CFTR: variants seen among roughly 807,000 people sequenced by gnomAD.
CFTR encodes the protein cystic fibrosis transmembrane conductance regulator.
A neutral mutation model predicts 171.6 loss-of-function variants in CFTR; 181 were observed. The ratio of observed to expected loss-of-function variants is 1.05; its 90% CI spans 0.93 to 1.19. The LOEUF is 1.19. Ranked by LOEUF, CFTR falls within the 50% of genes most tolerant of loss-of-function variation. CFTR has a pLI of 0.00. For synonymous variants in CFTR, 583 were observed against 608.0 expected, an observed-to-expected ratio of 0.96 and a Z score of 0.60; for missense variants, 1,968 against 1,734.7, an observed-to-expected ratio of 1.13 and a Z score of -2.39.
intron 6 of CFTR, 94 bp downstream of exon 6, chr7:117,535,505 G>T (rs1411562026): frequency 1.9e-5 from 16 of 860,396 alleles, no homozygotes; most frequent in African/African-American, 7.1e-5. Flanking sequence ...GCATAGAACA[G>T]TGATCTTCAG....
chr7:117,662,210 A>C (rs1793301602), intron 24 of CFTR, among the ~76,000 whole-genome samples: 1 of 152,184 alleles, frequency 6.6e-6, no homozygotes, highest in African/African-American at 2.4e-5. Flanking sequence ...TGATTCATTT[A>C]TCATTCATCA....
chr7:117,620,171 C>G (rs921672318), intron 21 of CFTR, among the ~76,000 whole-genome samples: 11 of 151,996 alleles, frequency 7.2e-5, no homozygotes, highest in African/African-American at 2.7e-4. Flanking sequence ...CTCTCATGAC[C>G]TCTGTCTCAA....
chr7:117,480,254 T>G, intron 1 of CFTR, 107 bp downstream of exon 1: 1 of 949,006 alleles, frequency 1.1e-6, no homozygotes, highest in South Asian at 1.3e-5. Flanking sequence ...TTTAAAAAGA[T>G]GCGCTATCAT....
At position 117,509,158 on chromosome 7, in the gene CFTR, G is replaced by A; in HGVS notation, c.273+16G>A. ...ATATTTAGGGGTAAGGATCTCATTT[G>A]TACATTCATTATGTATCACATAACT... On this transcript the variant is annotated intron_variant, in intron 3 of 26. Transcript: ENST00000003084. 3 of 1,344,522 alleles carry A rather than the reference G, an allele frequency of 2.2e-6. No individual in the cohort carries two copies. Among genetic ancestry groups the A allele is most frequent in the Non-Finnish European group, 3.2e-6 (3 of 934,870 alleles). 83.3% of individuals were successfully genotyped at this position (1,344,522 alleles called of 1,614,324 possible).
At chr7:117,538,810 C>A (rs949377107) in intron 7 of CFTR, among the ~76,000 whole-genome samples, 1 of 152,214 alleles carries the variant, frequency 6.6e-6, no homozygotes, top group African/African-American at 2.4e-5. Flanking sequence ...AAATCATAAT[C>A]TGTCTTCAGT....
chr7:117,598,666 G>C (rs35097594), intron 15 of CFTR, among the ~76,000 whole-genome samples: 7,189 of 152,246 alleles, frequency 0.047, 585 homozygotes, highest in African/African-American at 0.16. Flanking sequence ...TTGCCCTGCT[G>C]TTGTAAATAA....
At chr7:117,530,297 C>A (rs1798838082) in intron 3 of CFTR, among the ~76,000 whole-genome samples, 1 of 152,130 alleles carries the variant, frequency 6.6e-6, no homozygotes, top group Non-Finnish European at 1.5e-5. Context: ...ACCGCTAGTG[C>A]TGGTGTGCTC....
chr7:117,542,049 G>A lies in CFTR; in HGVS notation c.1150G>A (p.Glu384Lys). The part of the protein sequence containing the change: ...FLQKQEYKTL[E>K]YNLTTTEVVM... ...ACAAAAGCAAGAATATAAGACATTG[G>A]AATATAACTTAACGACTACAGAAGT... The change falls in exon 9 of 27, where the codon GAA (glutamate) becomes AAA (lysine). Residue 384 changes from glutamate to lysine, a missense_variant. Physicochemically the swap from Glu to Lys is moderately conservative, Grantham distance 56. Transcript: ENST00000003084. 6.3e-7 allele frequency: 1 copy of A among 1,593,848 alleles called. No individual in the cohort carries two copies. The highest frequency in any genetic ancestry group is 1.1e-5 in the South Asian group (1 of 90,626).
chr7:117,581,965 A>C (rs897915895), intron 11 of CFTR, among the ~76,000 whole-genome samples: 1 of 152,048 alleles, frequency 6.6e-6, no homozygotes, highest in African/African-American at 2.4e-5. Context: ...TATGTTGCCC[A>C]GGCTGGTCTT....
Position 117,602,832 on chromosome 7 carries a change from G to T in CFTR, c.2626G>T (p.Ala876Ser). Residue 876 changes from alanine to serine, a missense_variant, in exon 16 of 27, where the codon GCT becomes TCT. Physicochemically the swap from Ala to Ser is moderately conservative, Grantham distance 99. Coordinates refer to ENST00000003084, the MANE Select transcript of CFTR (RefSeq NM_000492.4). ...GTGTCTTGTTCCATTCCAGGTGGCT[G>T]CTTCTTTGGTTGTGCTGTGGCTCCT... is the stretch of plus-strand genomic sequence containing the variant. ...CLVIFLAEVAASLVVLWLLGN... is the reference protein window; with the variant it reads ...CLVIFLAEVASSLVVLWLLGN... 6.2e-7 allele frequency: 1 copy of T among 1,613,944 alleles called. No homozygotes were observed. The highest frequency in any genetic ancestry group is 1.1e-5 in the South Asian group (1 of 91,084).
intron 22 of CFTR, among the ~76,000 whole-genome samples, chr7:117,631,451 A>AG (rs567939092): frequency 1.3e-4 from 20 of 152,292 alleles, no homozygotes; most frequent in African/African-American, 4.8e-4. Context: ...GCTGGTTGTC[A>AG]GGGGGATGGG....
chr7:117,486,896 G>GGGGGGGGGGGGGGGGGAGA (rs1554373814), intron 1 of CFTR, among the ~76,000 whole-genome samples: 1 of 113,586 alleles, frequency 8.8e-6, no homozygotes. Context: ...GAGGGGGCGG[G>GGGGGGGGGGGGGGGGGAGA]GAGAGAGAGA....
At chr7:117,559,705 C>G in intron 11 of CFTR, 50 bp downstream of exon 11, 1 of 1,251,778 alleles carries the variant, frequency 8.0e-7, no homozygotes, top group Non-Finnish European at 1.2e-6. Context: ...ACCCTTCACA[C>G]TACCCAAATT....
intron 1 of CFTR, among the ~76,000 whole-genome samples, chr7:117,503,609 T>C (rs1459155942): frequency 1.3e-5 from 2 of 152,176 alleles, no homozygotes; most frequent in Admixed American, 6.5e-5. Context: ...AATTATTATT[T>C]ATTGATGCCT....
At chr7:117,663,648 C>T (rs1181485842) in intron 24 of CFTR, among the ~76,000 whole-genome samples, 1 of 151,830 alleles carries the variant, frequency 6.6e-6, no homozygotes, top group Non-Finnish European at 1.5e-5. Flanking sequence ...TGTTATGGGC[C>T]ATTTCTGAAT....
intron 22 of CFTR, among the ~76,000 whole-genome samples, chr7:117,630,944 G>A (rs1792734123): frequency 2.0e-5 from 3 of 152,106 alleles, no homozygotes; most frequent in Non-Finnish European, 4.4e-5. Context: ...GATGCCAAAG[G>A]AAGTAATGGG....
At chr7:117,486,076 T>C (rs966101778) in intron 1 of CFTR, among the ~76,000 whole-genome samples, 3 of 152,148 alleles carry the variant, frequency 2.0e-5, no homozygotes, top group Non-Finnish European at 4.4e-5. Flanking sequence ...CCATCGAAGT[T>C]TTCTTGTGTC....
At chr7:117,653,583 C>G (rs1793119687) in intron 24 of CFTR, among the ~76,000 whole-genome samples, 1 of 152,096 alleles carries the variant, frequency 6.6e-6, no homozygotes, top group South Asian at 2.1e-4. Flanking sequence ...ATACTATCAC[C>G]TTGGGGGTTA....
intron 24 of CFTR, among the ~76,000 whole-genome samples, chr7:117,661,987 A>G (rs1036494229): frequency 3.3e-5 from 2 of 61,352 alleles, no homozygotes; most frequent in African/African-American, 2.4e-4. Context: ...TTTACTGAAA[A>G]AAAAAAAAAA....
Sources: allele counts gnomAD v4.1 joint callset (sites outside exome capture counted in the v4.1 genomes callset), GRCh38; gene constraint gnomAD v4.1.1; transcripts MANE v1.5; gene names NCBI Gene and HGNC (gene_info 2026-07-23, HGNC 2026-07-21).